Variants in BCL2L14 observed in about 807,000 individuals in gnomAD.
BCL2L14 encodes the protein apoptosis facilitator Bcl-2-like protein 14.
Under a neutral mutation model 35.3 loss-of-function variants are expected in BCL2L14, and 27 were observed. That is an observed-to-expected ratio of 0.76 (90% CI 0.56 to 1.05). BCL2L14 has a LOEUF of 1.05. Ranked by LOEUF, BCL2L14 falls within the 50% of genes least tolerant of loss-of-function variation. The probability of loss-of-function intolerance (pLI) is 0.00; values close to 1 mark genes in which losing one functional copy is unlikely to be tolerated. For synonymous variants in BCL2L14, 139 were observed against 145.9 expected (o/e 0.95, Z 0.34); for missense variants, 377 against 382.6 (o/e 0.99, Z 0.12).
chr12:12,070,623 G>A (rs1047363648), upstream of BCL2L14, among the ~76,000 whole-genome samples: 11 of 151,682 alleles, frequency 7.3e-5, no homozygotes, highest in African/African-American at 2.7e-4. Context: ...GTTGCAGTGC[G>A]CCAAGATCGC....
At chr12:12,053,423 C>CTTTT (rs5796482) in intron 2 of BCL2L14, among the ~76,000 whole-genome samples, 90 of 148,844 alleles carry the variant, frequency 6.0e-4, no homozygotes, top group African/African-American at 2.1e-3. Context: ...TCTTCTTCTT[C>CTTTT]TTTTTTTTTT....
At chr12:12,098,220 T>G (rs1949357590) in intron 5 of BCL2L14, among the ~76,000 whole-genome samples, 1 of 152,186 alleles carries the variant, frequency 6.6e-6, no homozygotes, top group Non-Finnish European at 1.5e-5. Context: ...AGTGTCTCGA[T>G]GGCTCTCTCT....
chr12:12,097,315 TGGA>T (rs1237385895), intron 5 of BCL2L14, among the ~76,000 whole-genome samples: 1 of 152,078 alleles, frequency 6.6e-6, no homozygotes, highest in African/African-American at 2.4e-5. Context: ...GAATGATGAA[TGGA>T]TAAGGAAAAT....
At chr12:12,065,502 C>T (rs1482704499) in intron 2 of BCL2L14, among the ~76,000 whole-genome samples, 1 of 147,078 alleles carries the variant, frequency 6.8e-6, no homozygotes, top group African/African-American at 2.5e-5. Context: ...CACCACTGCA[C>T]TCCAGGCTGG....
At chr12:12,081,277 G>A (rs956701561) in intron 2 of BCL2L14, among the ~76,000 whole-genome samples, 2 of 151,792 alleles carry the variant, frequency 1.3e-5, no homozygotes, top group Non-Finnish European at 2.9e-5. Context: ...GCAAGACCCT[G>A]TCTCCATTAA....
chr12:12,050,814 G>GAAAA (rs764719291), intron 1 of BCL2L14, among the ~76,000 whole-genome samples: 31,147 of 111,492 alleles, frequency 0.28, 3,851 homozygotes, highest in East Asian at 0.43. Context: ...AAAAAAAAAA[G>GAAAA]AAAAGAAAAG....
At chr12:12,049,975 T>A (rs1411349622) in intron 1 of BCL2L14, 1 of 152,188 alleles carries the variant, frequency 6.6e-6, no homozygotes, top group Non-Finnish European at 1.5e-5. Flanking sequence ...CATAAGTTTC[T>A]TATAAATGTG....
At chr12:12,095,910 A>C in intron 5 of BCL2L14, 1 of 985,436 alleles carries the variant, frequency 1.0e-6, no homozygotes, top group Non-Finnish European at 1.2e-6. Flanking sequence ...TGATAACCCT[A>C]AGTGGCTGAT....
rs556764539 is a variant in BCL2L14 at position 12,074,960 on chromosome 12, T to C, written c.-8+3823T>C. On this transcript the variant is annotated intron_variant, in intron 1 of 5. Transcript: ENST00000308721. ...GCCAGCCAAGATGATCAATACTTCC[T>C]TAATATCATCTAAAACATACACTGT... is the stretch of plus-strand genomic sequence containing the variant. Among the ~76,000 whole-genome samples the C allele has an allele frequency of 4.0e-4, 51 of 128,960 alleles. No homozygotes were observed. The South Asian group carries it at 6.0e-3, about 15-fold the overall frequency. The allele number at this position is 128,960 out of a possible 152,430, so 84.6% of individuals were successfully genotyped here. A position where few individuals can be genotyped will look rare whatever the true frequency, so the allele number is the denominator to read the frequency against.
chr12:12,096,424 C>T (rs1435094150), intron 5 of BCL2L14, among the ~76,000 whole-genome samples: 1 of 110,762 alleles, frequency 9.0e-6, no homozygotes, highest in Non-Finnish European at 1.8e-5. Flanking sequence ...ACACCACCAC[C>T]AAGAATGTGA....
At chr12:12,092,204 C>A (rs1176772272) in intron 4 of BCL2L14, among the ~76,000 whole-genome samples, 1 of 152,128 alleles carries the variant, frequency 6.6e-6, no homozygotes, top group African/African-American at 2.4e-5. Flanking sequence ...AGTGGGGGTG[C>A]TGGAGGTGGG....
chr12:12,054,373 A>G (rs1290515775), intron 2 of BCL2L14, among the ~76,000 whole-genome samples: 1 of 151,714 alleles, frequency 6.6e-6, no homozygotes, highest in Non-Finnish European at 1.5e-5. Flanking sequence ...GCGTGGTGGC[A>G]GGTGCCTGTA....
At chr12:12,093,383 A>AGCT (rs1949237190) in intron 4 of BCL2L14, among the ~76,000 whole-genome samples, 1 of 152,208 alleles carries the variant, frequency 6.6e-6, no homozygotes, top group African/African-American at 2.4e-5. Flanking sequence ...TTGTAATCCC[A>AGCT]GCTCCTGGGG....
chr12:12,061,275 CCA>C (rs1948521880), intron 2 of BCL2L14, among the ~76,000 whole-genome samples: 1 of 151,800 alleles, frequency 6.6e-6, no homozygotes, highest in South Asian at 2.1e-4. Context: ...CCACCTTAAC[CCA>C]CAAGTATAAG....
chr12:12,079,232 C>G, intron 1 of BCL2L14, 67 bp from the exon 2 acceptor site: 1 of 1,339,418 alleles, frequency 7.5e-7, no homozygotes. Context: ...TCACCCCTGT[C>G]TCTCCTAACC....
chr12:12,062,671 T>C (rs1008881608), intron 2 of BCL2L14, among the ~76,000 whole-genome samples: 2 of 152,120 alleles, frequency 1.3e-5, no homozygotes, highest in Admixed American at 6.5e-5. Context: ...GTAGACACTT[T>C]CACTAGATAG....
chr12:12,050,810 A>AAAAAAG (rs1555084771), intron 1 of BCL2L14, among the ~76,000 whole-genome samples: 1 of 110,056 alleles, frequency 9.1e-6, no homozygotes, highest in Non-Finnish European at 2.1e-5. Flanking sequence ...AAAAAAAAAA[A>AAAAAAG]AAAGAAAAGA....
rs559361035 is a variant in BCL2L14, at chr12:12,053,112, T to C, written c.-272+1265T>C. On this transcript the variant is annotated intron_variant, in intron 2 of 3. Coordinates refer to the BCL2L14 transcript ENST00000461264. ...CACCACCATTTCTCTAGCATGTGGG[T>C]GAGCCAAACACCTTTGGAAACACCT... is the stretch of plus-strand genomic sequence containing the variant. 8.5e-5 allele frequency among the ~76,000 whole-genome samples: 13 copies of C among 152,336 alleles called. No homozygotes were observed. The East Asian group carries it at 2.3e-3, about 27-fold the overall frequency.
At chr12:12,063,560 C>A (rs1948556327) in intron 2 of BCL2L14, among the ~76,000 whole-genome samples, 1 of 152,138 alleles carries the variant, frequency 6.6e-6, no homozygotes, top group African/African-American at 2.4e-5. Flanking sequence ...CCCAATCCCA[C>A]TCGAAGCAGC....
Sources: allele counts gnomAD v4.1 joint callset (sites outside exome capture counted in the v4.1 genomes callset), GRCh38; gene constraint gnomAD v4.1.1; transcripts MANE v1.5; gene names NCBI Gene and HGNC (gene_info 2026-07-23, HGNC 2026-07-21).